ABCD2: variants seen among roughly 807,000 people sequenced by gnomAD.
ABCD2 encodes ATP-binding cassette sub-family D member 2.
A neutral mutation model predicts 70.9 loss-of-function variants in ABCD2; 36 were observed. That is an observed-to-expected ratio of 0.51 (90% CI 0.39 to 0.67). The LOEUF (loss-of-function observed/expected upper bound fraction) is 0.67, where lower values mean the gene tolerates loss of function less well. ABCD2 is among the 30% of genes least tolerant of loss of function. The pLI is 0.00. For synonymous variants in ABCD2, 304 were observed against 306.9 expected (o/e 0.99, Z 0.10); for missense variants, 729 against 890.2 (o/e 0.82, Z 2.30).
the ABCD2 span, among the ~76,000 whole-genome samples, chr12:39,534,708 A>AAGGAAGGC: frequency 5.7e-4 from 83 of 144,966 alleles, no homozygotes; most frequent in Non-Finnish European, 1.1e-3. Context: ...GGACGGAAGG[A>AAGGAAGGC]AGGAAGGAAG....
rs778340940 is a variant in ABCD2 at position 39,619,101 on chromosome 12, G to C, written c.515C>G (p.Ala172Gly). Reference sequence around the variant, plus strand: ...TACTAGGCGAGTTCTGAAGGCCAAAGCCAATTTGCATTCCAGGTACCTTAT... The same window carrying C: ...TACTAGGCGAGTTCTGAAGGCCAAACCCAATTTGCATTCCAGGTACCTTAT... Reference protein sequence around the residue: ...SAIRYLECKLALAFRTRLVDH... With the variant: ...SAIRYLECKLGLAFRTRLVDH... Residue 172 changes from alanine to glycine, a missense_variant, in exon 1 of 10, where the codon GCT becomes GGT. Physicochemically the swap from Ala to Gly is moderately conservative, Grantham distance 60. Transcript: ENST00000308666. 1 of 1,614,206 alleles carries C rather than the reference G, an allele frequency of 6.2e-7. No homozygotes were observed. Among genetic ancestry groups the C allele is most frequent in the East Asian group, 2.2e-5 (1 of 44,894 alleles).
intron 9 of ABCD2, among the ~76,000 whole-genome samples, chr12:39,558,740 A>G (rs1167297434): frequency 6.6e-6 from 1 of 152,148 alleles, no homozygotes; most frequent in African/African-American, 2.4e-5. Flanking sequence ...GAGTCAATTA[A>G]GCCTCTTTTC....
chr12:39,563,858 T>C (rs1941298975), intron 9 of ABCD2, among the ~76,000 whole-genome samples: 1 of 152,208 alleles, frequency 6.6e-6, no homozygotes, highest in South Asian at 2.1e-4. Context: ...TTCACACCTA[T>C]GAGTGAGAAC....
the ABCD2 span, among the ~76,000 whole-genome samples, chr12:39,544,476 G>C: frequency 6.6e-6 from 1 of 152,134 alleles, no homozygotes; most frequent in East Asian, 1.9e-4. Flanking sequence ...GGCTGTTACT[G>C]TCTTTGTGTA....
At chr12:39,574,898 C>G (rs1371933874) in intron 8 of ABCD2, among the ~76,000 whole-genome samples, 3 of 152,070 alleles carry the variant, frequency 2.0e-5, no homozygotes, top group Non-Finnish European at 4.4e-5. Flanking sequence ...GTCAGGTAGT[C>G]AGGGCTAATA....
intron 6 of ABCD2, among the ~76,000 whole-genome samples, chr12:39,593,797 A>C (rs1422889856): frequency 6.6e-6 from 1 of 152,206 alleles, no homozygotes. Flanking sequence ...TTATATCTCA[A>C]CAAGAATTCT....
intron 9 of ABCD2, among the ~76,000 whole-genome samples, chr12:39,563,569 G>A (rs1417166024): frequency 3.3e-5 from 5 of 151,962 alleles, no homozygotes; most frequent in African/African-American, 1.2e-4. Context: ...GATAAATAAA[G>A]GAAAAAGTTA....
chr12:39,574,976 A>G (rs931205519), intron 8 of ABCD2, among the ~76,000 whole-genome samples: 5 of 152,178 alleles, frequency 3.3e-5, no homozygotes, highest in Admixed American at 6.5e-5. Context: ...CATGTTCTCC[A>G]TGACAACATC....
In ABCD2 at chr12:39,604,682, T is replaced by C. The variant is rs1941946696; in HGVS notation, c.1405+80A>G. 4 of 1,195,788 alleles carry C rather than the reference T, an allele frequency of 3.3e-6. No individual in the cohort carries two copies. In the South Asian group the frequency reaches 5.4e-5, roughly 16 times the overall value. The allele number at this position is 1,195,788 out of a possible 1,614,324, so 74.1% of individuals were successfully genotyped here. A position where few individuals can be genotyped will look rare whatever the true frequency, so the allele number is the denominator to read the frequency against. ...TTAAATGTTGGTACTTTGTAACTAC[T>C]AAAAGCTACCTTCTTAAACTTTGGT... On this transcript the variant is annotated intron_variant, in intron 4 of 9. Transcript: ENST00000308666.
rs1214648087 is a variant in ABCD2, at chr12:39,579,546, C to T, written c.1866G>A (p.Met622Ile). The T allele has an allele frequency of 1.9e-6, 3 of 1,612,678 alleles. No homozygotes were observed. In the South Asian group the frequency reaches 3.3e-5, roughly 18 times the overall value. ...TTTAGTATACTTACTTATGATAAAACATACGAGCCATGCCCATTCTTTGCT... is the reference window on the plus strand; with the variant it reads ...TTTAGTATACTTACTTATGATAAAATATACGAGCCATGCCCATTCTTTGCT... ...GEKQRMGMAR[M>I]FYHKPKYALL... The change falls in exon 8 of 10, where the codon ATG (methionine) becomes ATA (isoleucine). Residue 622 changes from methionine to isoleucine, a missense_variant. Physicochemically the swap from Met to Ile is conservative, Grantham distance 10 (BLOSUM62 1). Transcript: ENST00000308666.
intron 6 of ABCD2, among the ~76,000 whole-genome samples, chr12:39,590,558 G>GT (rs909825365): frequency 6.6e-6 from 1 of 151,820 alleles, no homozygotes; most frequent in East Asian, 1.9e-4. Flanking sequence ...TATAATAATT[G>GT]TTTTTTCTTG....
At chr12:39,608,383 G>C (rs570879983) in intron 2 of ABCD2, among the ~76,000 whole-genome samples, 1 of 151,888 alleles carries the variant, frequency 6.6e-6, no homozygotes, top group Non-Finnish European at 1.5e-5. Context: ...CCTTAGGAGG[G>C]AGCAATAATG....
chr12:39,582,547 A>G (rs1481654182), intron 7 of ABCD2, among the ~76,000 whole-genome samples: 1 of 152,168 alleles, frequency 6.6e-6, no homozygotes, highest in Non-Finnish European at 1.5e-5. Context: ...CTAAATTTCT[A>G]TTTGGATCAT....
intron 9 of ABCD2, among the ~76,000 whole-genome samples, chr12:39,567,223 C>G (rs893739483): frequency 6.6e-6 from 1 of 152,166 alleles, no homozygotes; most frequent in African/African-American, 2.4e-5. Flanking sequence ...CTAATGTCGA[C>G]AGTGGGGTGT....
the ABCD2 span, among the ~76,000 whole-genome samples, chr12:39,536,946 A>G: frequency 6.6e-6 from 1 of 152,160 alleles, no homozygotes; most frequent in African/African-American, 2.4e-5. Context: ...TGCCAAGTAG[A>G]TGTGACTAAT....
intron 9 of ABCD2, among the ~76,000 whole-genome samples, chr12:39,571,372 A>G (rs2120586829): frequency 6.6e-6 from 1 of 152,320 alleles, no homozygotes; most frequent in South Asian, 2.1e-4. Context: ...TACATGATGG[A>G]ATACTACTCC....
chr12:39,560,089 C>T (rs1179666288), intron 9 of ABCD2, among the ~76,000 whole-genome samples: 1 of 152,104 alleles, frequency 6.6e-6, no homozygotes, highest in Non-Finnish European at 1.5e-5. Context: ...TATACGTGTG[C>T]CATGTTGGTG....
chr12:39,534,760 G>GAGAAAGAAAGAAAGAAAGAAAGAA, the ABCD2 span, among the ~76,000 whole-genome samples: 3 of 113,180 alleles, frequency 2.7e-5, no homozygotes, highest in African/African-American at 1.1e-4. Flanking sequence ...AAGAAAGAAA[G>GAGAAAGAAAGAAAGAAAGAAAGAA]AGAAAGAAAG....
chr12:39,554,050 T>C lies in ABCD2; in HGVS notation c.2085A>G (p.Thr695=). Reference sequence around the variant, plus strand: ...CTAGCTTTTGTTTTTCTTCACTCAATGTCAAACGGATAGCAGTATCCAATT... The same window carrying C: ...CTAGCTTTTGTTTTTCTTCACTCAACGTCAAACGGATAGCAGTATCCAATT... ...FEQLDTAIRL[T]LSEEKQKLES... is the part of the protein sequence containing the mutation. Residue 695 remains threonine, a synonymous_variant, in exon 10 of 10, where the codon ACA becomes ACG. Coordinates refer to ENST00000308666, the MANE Select transcript of ABCD2 (RefSeq NM_005164.4). 1.9e-6 allele frequency: 3 copies of C among 1,613,764 alleles called. No homozygotes were observed. In the South Asian group the frequency reaches 3.3e-5, roughly 18 times the overall value.
Sources: gnomAD v4.1 joint callset for allele counts (sites outside exome capture counted in the v4.1 genomes callset) on GRCh38, gnomAD v4.1.1 for gene constraint, MANE v1.5 for transcripts, NCBI Gene and HGNC (gene_info 2026-07-23, HGNC 2026-07-21) for gene names.